Variants in MACROD2 observed in about 807,000 individuals in gnomAD.
MACROD2 encodes the protein ADP-ribose glycohydrolase MACROD2.
In MACROD2, 36 loss-of-function variants were observed where a neutral mutation model predicts 70.4. The observed-to-expected ratio is 0.51, with a 90% CI of 0.39 to 0.68. MACROD2 has a LOEUF of 0.68. Ranked by LOEUF, MACROD2 falls within the 30% of genes least tolerant of loss-of-function variation. The pLI is 0.00. For synonymous variants in MACROD2, 172 were observed against 178.8 expected (o/e 0.96, Z 0.30); for missense variants, 496 against 538.4 (o/e 0.92, Z 0.78).
At chr20:14,617,038 T>C (rs914841281) in intron 4 of MACROD2, among the ~76,000 whole-genome samples, 1 of 152,134 alleles carries the variant, frequency 6.6e-6, no homozygotes, top group African/African-American at 2.4e-5. Context: ...AGTCCCCAAA[T>C]ATTTCTCAAG....
At chr20:14,853,667 G>GT (rs2073223343) in intron 5 of MACROD2, among the ~76,000 whole-genome samples, 1 of 152,060 alleles carries the variant, frequency 6.6e-6, no homozygotes, top group Non-Finnish European at 1.5e-5. Flanking sequence ...TAAGAAATGA[G>GT]TATGCTGCAT....
At chr20:15,820,181 T>G (rs7266511) in intron 8 of MACROD2, among the ~76,000 whole-genome samples, 21,711 of 151,976 alleles carry the variant, frequency 0.14, 1,611 homozygotes, top group Middle Eastern at 0.31. Flanking sequence ...TGCCCGTCTT[T>G]TTTCTTTTTG....
intron 3 of MACROD2, among the ~76,000 whole-genome samples, chr20:14,462,709 G>A (rs1463206281): frequency 2.6e-5 from 4 of 152,022 alleles, no homozygotes; most frequent in Non-Finnish European, 4.4e-5. Flanking sequence ...ATTAATTTTT[G>A]TATAAGTTGT....
intron 5 of MACROD2, among the ~76,000 whole-genome samples, chr20:15,013,410 C>T (rs2075098046): frequency 1.3e-5 from 2 of 152,130 alleles, no homozygotes; most frequent in South Asian, 4.1e-4. Flanking sequence ...GAACCACCCC[C>T]TACTTTAGGA....
At chr20:14,896,164 G>A (rs2073826489) in intron 5 of MACROD2, among the ~76,000 whole-genome samples, 1 of 152,068 alleles carries the variant, frequency 6.6e-6, no homozygotes, top group Admixed American at 6.5e-5. Flanking sequence ...GCGTGGTGGT[G>A]GGCGCCTGTA....
intron 6 of MACROD2, among the ~76,000 whole-genome samples, chr20:15,281,698 G>T (rs1387793615): frequency 1.3e-5 from 2 of 152,198 alleles, no homozygotes; most frequent in Non-Finnish European, 2.9e-5. Context: ...GCTTTCATGG[G>T]CTGGCGTTGA....
At chr20:15,336,550 T>C (rs1243207694) in intron 6 of MACROD2, among the ~76,000 whole-genome samples, 1 of 151,600 alleles carries the variant, frequency 6.6e-6, no homozygotes, top group Non-Finnish European at 1.5e-5. Flanking sequence ...CAAGCTTTCT[T>C]TTTAGGTTGC....
chr20:15,012,266 C>G (rs931579323), intron 5 of MACROD2, among the ~76,000 whole-genome samples: 5 of 152,236 alleles, frequency 3.3e-5, no homozygotes, highest in African/African-American at 1.2e-4. Flanking sequence ...AAAAGTAAGA[C>G]CACTGAAGTT....
intron 5 of MACROD2, among the ~76,000 whole-genome samples, chr20:14,968,753 C>T (rs184029411): frequency 6.7e-4 from 102 of 152,212 alleles, no homozygotes; most frequent in African/African-American, 2.1e-3. Flanking sequence ...GACCACAGTT[C>T]GATAACCTCT....
chr20:16,045,807 G>T (rs1349044303), intron 17 of MACROD2, among the ~76,000 whole-genome samples: 1 of 152,026 alleles, frequency 6.6e-6, no homozygotes, highest in Admixed American at 6.6e-5. Flanking sequence ...CAACCTAAAA[G>T]ATATCACTGG....
chr20:14,382,135 C>T (rs1410024134), intron 3 of MACROD2, among the ~76,000 whole-genome samples: 3 of 147,538 alleles, frequency 2.0e-5, no homozygotes, highest in Admixed American at 6.9e-5. Flanking sequence ...CATCTGGGCT[C>T]ACTGCAAACT....
intron 3 of MACROD2, among the ~76,000 whole-genome samples, chr20:14,132,165 C>T (rs1180859746): frequency 2.0e-5 from 3 of 150,694 alleles, no homozygotes; most frequent in Non-Finnish European, 4.4e-5. Flanking sequence ...CCCACCTCAG[C>T]CTCCAGAGTA....
chr20:14,289,162 T>A (rs2082366570), intron 3 of MACROD2, among the ~76,000 whole-genome samples: 1 of 152,186 alleles, frequency 6.6e-6, no homozygotes, highest in Admixed American at 6.5e-5. Context: ...CTCTATTCAG[T>A]ACAGATCTTA....
At chr20:15,153,851 G>A (rs1489890119) in intron 5 of MACROD2, among the ~76,000 whole-genome samples, 3 of 152,264 alleles carry the variant, frequency 2.0e-5, no homozygotes, top group South Asian at 2.1e-4. Flanking sequence ...TGTTCAGTTT[G>A]TGGAAACCCA....
In MACROD2 at chr20:15,871,219, C is replaced by T. The variant is rs529513831; in HGVS notation, c.727+8393C>T. On this transcript the variant is annotated intron_variant, in intron 9 of 17. Coordinates refer to ENST00000684519, the MANE Select transcript of MACROD2 (RefSeq NM_001351661.2). ...TTATAAAATTAACATTTAAAGTTCT[C>T]AAAAATTAAAAATTACTTCTCTGAC... is the stretch of plus-strand genomic sequence containing the variant. 2.1e-3 allele frequency among the ~76,000 whole-genome samples: 313 copies of T among 150,604 alleles called. 1 individual carries two copies. The highest frequency in any genetic ancestry group is 7.4e-3 in the African/African-American group (304 of 41,124).
At chr20:14,097,956 T>C (rs772559284) in intron 3 of MACROD2, among the ~76,000 whole-genome samples, 4 of 152,222 alleles carry the variant, frequency 2.6e-5, no homozygotes, top group Non-Finnish European at 4.4e-5. Context: ...TATTGGCACT[T>C]AAAAGCTTTT....
rs187012341 is a variant in MACROD2, at chr20:14,025,989, A to T, written c.163+23585A>T. On this transcript the variant is annotated intron_variant, in intron 2 of 17. Transcript: ENST00000684519. ...ACTGTGTGGGAGTCTAAGTCTCTTT[A>T]TAGGTCTCTAAGAACTTGCTTTATG... 9.2e-5 allele frequency among the ~76,000 whole-genome samples: 14 copies of T among 152,198 alleles called. No homozygotes were observed. In the East Asian group the frequency reaches 2.7e-3, roughly 29 times the overall value.
chr20:14,407,082 C>A (rs574774676), intron 3 of MACROD2, among the ~76,000 whole-genome samples: 80 of 149,918 alleles, frequency 5.3e-4, no homozygotes, highest in Non-Finnish European at 1.0e-3. Context: ...TTAAACAATC[C>A]TTTTATTCAG....
At chr20:14,049,289 C>T (rs978979552) in intron 2 of MACROD2, among the ~76,000 whole-genome samples, 4 of 151,302 alleles carry the variant, frequency 2.6e-5, no homozygotes, top group Admixed American at 1.3e-4. Context: ...AGTAGATGGA[C>T]TGAGAGGGGC....
Sources: allele counts gnomAD v4.1 joint callset (sites outside exome capture counted in the v4.1 genomes callset), GRCh38; gene constraint gnomAD v4.1.1; transcripts MANE v1.5; gene names NCBI Gene and HGNC (gene_info 2026-07-23, HGNC 2026-07-21).